Variants in NKAIN3 observed in about 807,000 individuals in gnomAD.
NKAIN3 encodes the protein sodium/potassium-transporting ATPase subunit beta-1-interacting protein 3.
In NKAIN3, 25 loss-of-function variants were observed where a neutral mutation model predicts 30.2. The ratio of observed to expected loss-of-function variants is 0.83; its 90% CI spans 0.60 to 1.16. The LOEUF is 1.16. Among genes scored for constraint, NKAIN3 ranks in the 50% most tolerant of loss-of-function variants. The pLI, the probability that NKAIN3 is intolerant of heterozygous loss-of-function variation, is 0.00. For missense variants in NKAIN3, 225 were observed against 254.1 expected, an observed-to-expected ratio of 0.89 and a Z score of 0.78; for synonymous variants, 91 against 89.6, an observed-to-expected ratio of 1.02 and a Z score of -0.09.
chr8:62,965,163 T>C (rs1823672787), intron 6 of NKAIN3, among the ~76,000 whole-genome samples, 191 bp from the exon 7 acceptor site: 1 of 152,176 alleles, frequency 6.6e-6, no homozygotes, highest in African/African-American at 2.4e-5. Flanking sequence ...ACTCTGATGA[T>C]GATGCCCGAT....
At chr8:62,621,022 C>G (rs1457404894) in intron 3 of NKAIN3, among the ~76,000 whole-genome samples, 1 of 152,150 alleles carries the variant, frequency 6.6e-6, no homozygotes, top group African/African-American at 2.4e-5. Flanking sequence ...TTAATTCTAG[C>G]TGACTTCCTG....
chr8:62,609,091 C>T lies in NKAIN3; in HGVS notation c.273+19297C>T, dbSNP rs547090279. 5.9e-5 allele frequency among the ~76,000 whole-genome samples: 9 copies of T among 152,224 alleles called. No individual in the cohort carries two copies. In the East Asian group the frequency reaches 9.7e-4, roughly 16 times the overall value. On this transcript the variant is annotated intron_variant, in intron 3 of 6. Transcript: ENST00000623646. ...TTTACACCTGAGCAGCCTCTTGCTG[C>T]TCAGGTCAGGCTATAATGATTTCGA...
chr8:62,947,618 G>A (rs1408624527), intron 5 of NKAIN3, among the ~76,000 whole-genome samples: 1 of 152,152 alleles, frequency 6.6e-6, no homozygotes, highest in Non-Finnish European at 1.5e-5. Context: ...GACTAATCAA[G>A]TTTGGTGGAA....
At chr8:62,941,694 A>C (rs928879318) in intron 5 of NKAIN3, among the ~76,000 whole-genome samples, 2 of 152,166 alleles carry the variant, frequency 1.3e-5, no homozygotes, top group Admixed American at 1.3e-4. Flanking sequence ...CAGAAAAAGC[A>C]TTTGGCAAAA....
intron 3 of NKAIN3, among the ~76,000 whole-genome samples, chr8:62,691,096 TAG>T (rs1174636928): frequency 6.6e-6 from 1 of 152,176 alleles, no homozygotes; most frequent in Non-Finnish European, 1.5e-5. Flanking sequence ...TCACGTATTT[TAG>T]AGTTTTTCAC....
chr8:62,520,554 G>A (rs28451590), intron 1 of NKAIN3, among the ~76,000 whole-genome samples: 5,001 of 152,146 alleles, frequency 0.033, 233 homozygotes, highest in African/African-American at 0.11. Flanking sequence ...TTTATCGGCA[G>A]TACTTGAACA....
At chr8:62,694,844 A>C (rs1358693639) in intron 3 of NKAIN3, among the ~76,000 whole-genome samples, 1 of 152,174 alleles carries the variant, frequency 6.6e-6, no homozygotes, top group Non-Finnish European at 1.5e-5. Flanking sequence ...CCAGAAAAAA[A>C]CCACCCTTGA....
chr8:62,639,543 G>A (rs76237029), intron 3 of NKAIN3, among the ~76,000 whole-genome samples: 3,085 of 152,214 alleles, frequency 0.02, 88 homozygotes, highest in African/African-American at 0.069. Context: ...TAGTTTACAC[G>A]GAGTTTTTGG....
chr8:62,728,675 A>AAAAAC (rs1266317482), intron 3 of NKAIN3, among the ~76,000 whole-genome samples: 7 of 151,150 alleles, frequency 4.6e-5, no homozygotes, highest in East Asian at 3.9e-4. Context: ...CAAAAAACAA[A>AAAAAC]AAAACAAAAC....
chr8:62,939,001 A>G (rs758007137), intron 5 of NKAIN3, among the ~76,000 whole-genome samples: 4 of 152,228 alleles, frequency 2.6e-5, no homozygotes, highest in South Asian at 2.1e-4. Flanking sequence ...AATTTTTTCA[A>G]TGTTACTGGA....
At chr8:62,895,633 C>T (rs1821408242) in intron 4 of NKAIN3, among the ~76,000 whole-genome samples, 1 of 152,132 alleles carries the variant, frequency 6.6e-6, no homozygotes, top group African/African-American at 2.4e-5. Flanking sequence ...GAAGTAATTC[C>T]ATATCCTAGG....
At chr8:62,414,868 C>T (rs1264566579) in intron 1 of NKAIN3, among the ~76,000 whole-genome samples, 5 of 151,254 alleles carry the variant, frequency 3.3e-5, no homozygotes. Flanking sequence ...AGTGAAAATT[C>T]AGAGACTGAC....
intron 4 of NKAIN3, among the ~76,000 whole-genome samples, chr8:62,899,271 A>C (rs1821528707): frequency 6.6e-6 from 1 of 152,242 alleles, no homozygotes; most frequent in Admixed American, 6.5e-5. Context: ...TCATAGAGAT[A>C]TCTGCACTGC....
Position 62,984,351 on chromosome 8 carries a change from C to T in NKAIN3, c.*18944C>T, listed in dbSNP as rs1171860343. ...AACATAGTACCTTCTATTTCTACTA[C>T]ATGTTTTTAATCTTTAACATTTTTA... On this transcript the variant is annotated 3_prime_UTR_variant, in exon 7 of 7. Transcript: ENST00000623646. The T allele has an allele frequency of 6.6e-6, 1 of 152,184 alleles. No individual in the cohort carries two copies. The highest frequency in any genetic ancestry group is 1.5e-5 in the Non-Finnish European group (1 of 68,022). 9.4% of individuals were successfully genotyped at this position (152,184 alleles called of 1,614,324 possible).
intron 2 of NKAIN3, among the ~76,000 whole-genome samples, chr8:62,586,800 C>G (rs187151152): frequency 6.6e-6 from 1 of 151,778 alleles, no homozygotes; most frequent in South Asian, 2.1e-4. Context: ...CATAAACATT[C>G]TTTTTTCATT....
chr8:62,658,432 A>G (rs531384446), intron 3 of NKAIN3, among the ~76,000 whole-genome samples: 1 of 152,310 alleles, frequency 6.6e-6, no homozygotes, highest in African/African-American at 2.4e-5. Context: ...TGAGGCTATC[A>G]TCGGGGAACT....
At chr8:62,519,722 A>G (rs1808099099) in intron 1 of NKAIN3, among the ~76,000 whole-genome samples, 1 of 152,148 alleles carries the variant, frequency 6.6e-6, no homozygotes. Flanking sequence ...ACATATAAAA[A>G]CATCATTTTC....
chr8:62,431,588 T>G (rs1160124510), intron 1 of NKAIN3, among the ~76,000 whole-genome samples: 6 of 151,910 alleles, frequency 3.9e-5, no homozygotes, highest in African/African-American at 1.4e-4. Flanking sequence ...AGAATTAAAC[T>G]TTAACAAAAT....
At chr8:62,459,167 A>C (rs1480562889) in intron 1 of NKAIN3, among the ~76,000 whole-genome samples, 1 of 152,052 alleles carries the variant, frequency 6.6e-6, no homozygotes, top group East Asian at 1.9e-4. Context: ...TCTAGGCCAG[A>C]CTTCCAGTTT....
Sources: allele counts gnomAD v4.1 joint callset (sites outside exome capture counted in the v4.1 genomes callset), GRCh38; gene constraint gnomAD v4.1.1; transcripts MANE v1.5; gene names NCBI Gene and HGNC (gene_info 2026-07-23, HGNC 2026-07-21).